The following NTM variants were observed in gnomAD, a reference collection of about 807,000 sequenced individuals.
NTM encodes the protein IgLON family member 2.
A neutral mutation model predicts 42.1 loss-of-function variants in NTM; 13 were observed. The ratio of observed to expected loss-of-function variants is 0.31; its 90% CI spans 0.20 to 0.49. The LOEUF is 0.49. Among genes scored for constraint, NTM ranks in the 20% least tolerant of loss-of-function variants. The pLI, the probability that NTM is intolerant of heterozygous loss-of-function variation, is 0.99. For missense variants in NTM, 373 were observed against 452.8 expected (o/e 0.82, Z 1.60); for synonymous variants, 187 against 179.2 (o/e 1.04, Z -0.35).
chr11:132,117,674 T>C (rs908827456), intron 2 of NTM, among the ~76,000 whole-genome samples: 25 of 152,362 alleles, frequency 1.6e-4, no homozygotes, highest in African/African-American at 6.0e-4. Context: ...CAGGAATTTA[T>C]TGGTCTGCAT....
intron 1 of NTM, among the ~76,000 whole-genome samples, chr11:131,508,677 C>T (rs2047822511): frequency 6.6e-6 from 1 of 150,918 alleles, no homozygotes; most frequent in South Asian, 2.1e-4. Context: ...AAATGTGGCA[C>T]ATATACACCA....
intron 2 of NTM, among the ~76,000 whole-genome samples, chr11:132,061,600 A>C (rs576337695): frequency 2.6e-5 from 4 of 152,206 alleles, no homozygotes; most frequent in African/African-American, 9.6e-5. Flanking sequence ...ATGGTGATCT[A>C]ATAGCATCTG....
intron 1 of NTM, among the ~76,000 whole-genome samples, chr11:131,509,868 A>G (rs1425699710): frequency 6.6e-6 from 1 of 152,252 alleles, no homozygotes; most frequent in Non-Finnish European, 1.5e-5. Flanking sequence ...TTCAAGTAGC[A>G]TAAGACTGGT....
chr11:131,930,810 G>GT (rs1285353224), intron 2 of NTM, among the ~76,000 whole-genome samples: 2 of 152,116 alleles, frequency 1.3e-5, no homozygotes, highest in Admixed American at 6.5e-5. Context: ...TCCTTCAAAT[G>GT]TTTTTCATTT....
intron 1 of NTM, among the ~76,000 whole-genome samples, chr11:131,789,636 A>AGAAGAAGAAGAAGAAGAGAAGAAG (rs1555127949): frequency 3.2e-5 from 1 of 30,900 alleles, no homozygotes; most frequent in Non-Finnish European, 7.3e-5. Context: ...AAGAAGAAGA[A>AGAAGAAGAAGAAGAAGAGAAGAAG]AAGAAGAAGA....
intron 1 of NTM, among the ~76,000 whole-genome samples, chr11:131,644,446 A>G: frequency 6.6e-6 from 1 of 152,298 alleles, no homozygotes; most frequent in Admixed American, 6.5e-5. Context: ...AGATAGTCCC[A>G]TCAGTCCAGT....
intron 1 of NTM, chr11:131,897,066 C>T (rs1428913152): frequency 3.3e-5 from 5 of 152,188 alleles, no homozygotes; most frequent in Non-Finnish European, 5.9e-5. Context: ...GCTGAATAGC[C>T]ATGCGTTGCT....
intron 1 of NTM, among the ~76,000 whole-genome samples, chr11:131,547,383 A>G (rs1050759646): frequency 1.8e-4 from 27 of 152,356 alleles, no homozygotes; most frequent in African/African-American, 5.3e-4. Flanking sequence ...CGCCTTGGAC[A>G]GAGAGAGAAT....
At chr11:131,551,013 A>T (rs369900001) in intron 1 of NTM, among the ~76,000 whole-genome samples, 15 of 151,644 alleles carry the variant, frequency 9.9e-5, no homozygotes, top group African/African-American at 1.7e-4. Context: ...AATTTTTTTT[A>T]AATTTAAGTT....
intron 1 of NTM, among the ~76,000 whole-genome samples, chr11:131,592,543 C>T (rs972074505): frequency 4.9e-5 from 7 of 142,278 alleles, no homozygotes; most frequent in Non-Finnish European, 1.1e-4. Context: ...AAAAAAAAAG[C>T]TAGTTTCTTT....
rs1349288840 is a variant in NTM, at chr11:131,442,569, TC to T, written c.82+71684del. 2.6e-5 allele frequency among the ~76,000 whole-genome samples: 4 copies of T among 152,146 alleles called. No homozygotes were observed. The South Asian group carries it at 8.3e-4, about 32-fold the overall frequency. On this transcript the variant is annotated intron_variant, in intron 1 of 8. Coordinates refer to ENST00000683400, the MANE Select transcript of NTM (RefSeq NM_001352005.2). ...GGTAAGTTTTCAACCCTCATCCCTT[TC>T]CCATCTTCCCCCCTTTTGGAGTCCC...
intron 4 of NTM, among the ~76,000 whole-genome samples, chr11:132,273,309 G>GTTTTTTTTTT (rs57877862): frequency 1.8e-5 from 1 of 55,656 alleles, no homozygotes; most frequent in Non-Finnish European, 2.9e-5. Flanking sequence ...GTTGACTAGT[G>GTTTTTTTTTT]TTTTTTTTTT....
intron 3 of NTM, among the ~76,000 whole-genome samples, chr11:132,164,740 G>A (rs908491485): frequency 2.0e-5 from 3 of 152,158 alleles, no homozygotes; most frequent in Admixed American, 1.3e-4. Context: ...CAGATGTGAA[G>A]ACATTCATAA....
At chr11:131,857,568 T>A (rs2046224942) in intron 1 of NTM, among the ~76,000 whole-genome samples, 2 of 152,214 alleles carry the variant, frequency 1.3e-5, no homozygotes, top group South Asian at 4.1e-4. Context: ...TCACACGTCT[T>A]TTCCTGGGGA....
chr11:132,047,298 C>A (rs1389102545), intron 2 of NTM, among the ~76,000 whole-genome samples: 1 of 152,228 alleles, frequency 6.6e-6, no homozygotes, highest in Non-Finnish European at 1.5e-5. Flanking sequence ...CACAAAGTCT[C>A]CAGGCCAGCC....
intron 3 of NTM, among the ~76,000 whole-genome samples, chr11:132,195,013 G>C (rs1291682463): frequency 6.6e-6 from 1 of 151,604 alleles, no homozygotes; most frequent in African/African-American, 2.4e-5. Context: ...AGTAGAGATG[G>C]GGTTTCACCA....
intron 1 of NTM, among the ~76,000 whole-genome samples, chr11:131,852,852 A>ATCCATCTATCCATCCATCCACCCATCCG: frequency 6.7e-6 from 1 of 148,720 alleles, no homozygotes; most frequent in African/African-American, 2.5e-5. Flanking sequence ...CCATCCACCC[A>ATCCATCTATCCATCCATCCACCCATCCG]TCCATCTATC....
chr11:131,994,603 T>A (rs1277262174), intron 2 of NTM, among the ~76,000 whole-genome samples: 1 of 152,148 alleles, frequency 6.6e-6, no homozygotes, highest in East Asian at 1.9e-4. Context: ...TGTCTGTTTT[T>A]TTATATGCTC....
In NTM at chr11:132,146,294, C is replaced by T. The variant is rs761766450; in HGVS notation, c.180C>T (p.Asp60=). 6.2e-7 allele frequency: 1 copy of T among 1,614,232 alleles called. No individual in the cohort carries two copies. The highest frequency in any genetic ancestry group is 8.5e-7 in the Non-Finnish European group (1 of 1,180,038). Reference sequence around the variant, plus strand: ...GTCTTCCCTTCAGGTGCACTATTGACAACCGGGTCACCCGGGTGGCCTGGC... The same window carrying T: ...GTCTTCCCTTCAGGTGCACTATTGATAACCGGGTCACCCGGGTGGCCTGGC... ...GESATLRCTI[D]NRVTRVAWLN... Residue 60 remains aspartate (D), a synonymous_variant, in exon 3 of 9, where the codon GAC becomes GAT. Transcript: ENST00000683400. The surrounding 1 kb of genome is among the most constrained non-coding windows in gnomAD (Gnocchi z 4.5).
Sources: gnomAD v4.1 joint callset for allele counts (sites outside exome capture counted in the v4.1 genomes callset) on GRCh38, gnomAD v4.1.1 for gene constraint, Gnocchi (gnomAD v3.1) non-coding constraint, MANE v1.5 for transcripts, NCBI Gene and HGNC (gene_info 2026-07-23, HGNC 2026-07-21) for gene names.